The following IGFBPL1 variants were observed in gnomAD, a reference collection of about 807,000 sequenced individuals.
IGFBPL1 encodes the protein insulin-like growth factor-binding protein-like 1.
IGFBPL1 carries 20 observed loss-of-function variants against 23.9 expected under a neutral mutation model. The observed-to-expected ratio is 0.84, with a 90% confidence interval of 0.59 to 1.22. The LOEUF (loss-of-function observed/expected upper bound fraction) is 1.22. IGFBPL1 is among the 50% of genes most tolerant of loss of function. The pLI, the probability that IGFBPL1 is intolerant of heterozygous loss-of-function variation, is 0.00. For missense variants in IGFBPL1, 436 were observed against 379.3 expected (o/e 1.15, Z -1.24); for synonymous variants, 184 against 171.8 (o/e 1.07, Z -0.56).
chr9:38,414,264 C>T, intron 1 of IGFBPL1, 61 bp from the exon 2 acceptor site: 1 of 963,532 alleles, frequency 1.0e-6, no homozygotes, highest in African/African-American at 1.6e-5. Flanking sequence ...CAACCCACCT[C>T]TAAATTCCCC....
chr9:38,424,229 A>G lies in IGFBPL1; in HGVS notation c.196T>C (p.Cys66Arg). The G allele has an allele frequency of 2.5e-6, 3 of 1,198,552 alleles. No individual in the cohort carries two copies. In the South Asian group the frequency reaches 1.1e-4, roughly 46 times the overall value. The allele number at this position is 1,198,552 out of a possible 1,614,324, so 74.2% of individuals were successfully genotyped here. The change falls in exon 1 of 5, where the codon TGC becomes CGC. Residue 66 changes from cysteine to arginine, a missense_variant. Transcript: ENST00000377694. Reference protein sequence around the residue: ...GISALDECGCCARCLGAEGAS... With the variant: ...GISALDECGCRARCLGAEGAS... ...CCCTCGGCTCCCAGGCAGCGGGCGCAGCAGCCGCACTCGTCGAGCGCCGAG... is the reference window on the plus strand; with the variant it reads ...CCCTCGGCTCCCAGGCAGCGGGCGCGGCAGCCGCACTCGTCGAGCGCCGAG...
chr9:38,411,022 CTT>C (rs1195862684), intron 4 of IGFBPL1, among the ~76,000 whole-genome samples: 1 of 152,248 alleles, frequency 6.6e-6, no homozygotes, highest in Non-Finnish European at 1.5e-5. Context: ...CAGGCATCTT[CTT>C]TGTGGGAACA....
intron 1 of IGFBPL1, among the ~76,000 whole-genome samples, chr9:38,415,591 T>G (rs1240794046): frequency 6.6e-6 from 1 of 152,198 alleles, no homozygotes; most frequent in Admixed American, 6.5e-5. Flanking sequence ...AGAGAGGCTC[T>G]TTAGCATCCT....
chr9:38,415,196 A>C (rs1014939379), intron 1 of IGFBPL1, among the ~76,000 whole-genome samples: 4 of 152,180 alleles, frequency 2.6e-5, no homozygotes, highest in Admixed American at 2.6e-4. Flanking sequence ...AGTTAATGTG[A>C]TATGCAAGTG....
At chr9:38,413,494 G>A in intron 2 of IGFBPL1, 141 bp from the exon 3 acceptor site, 1 of 587,496 alleles carries the variant, frequency 1.7e-6, no homozygotes, top group Non-Finnish European at 3.0e-6. Context: ...TCATGCCTAT[G>A]CAAATGACAT....
chr9:38,421,714 G>A (rs72707463), intron 1 of IGFBPL1, among the ~76,000 whole-genome samples: 23,767 of 152,230 alleles, frequency 0.16, 2,323 homozygotes, highest in South Asian at 0.23. Context: ...CTTTAGGGCA[G>A]CACAGAATGA....
chr9:38,424,248 C>G lies in IGFBPL1; in HGVS notation c.177G>C (p.Ala59=), dbSNP rs564975799. The part of the protein sequence containing the change: ...PAPCPAPGIS[A]LDECGCCARC... ...GGGCGCAGCAGCCGCACTCGTCGAG[C>G]GCCGAGATCCCGGGCGCCGGGCAGG... The change falls in exon 1 of 5, where the codon GCG becomes GCC. Residue 59 remains alanine (A), a synonymous_variant. Transcript: ENST00000377694. 20 of 1,217,054 alleles carry G rather than the reference C, an allele frequency of 1.6e-5. No homozygotes were observed. The South Asian group carries it at 5.5e-4, about 34-fold the overall frequency. 75.4% of individuals were successfully genotyped at this position (1,217,054 alleles called of 1,614,324 possible). A position where few individuals can be genotyped will look rare whatever the true frequency, so the allele number is the denominator to read the frequency against.
intron 1 of IGFBPL1, 131 bp downstream of exon 1, chr9:38,423,834 T>C (rs970027904): frequency 5.6e-6 from 5 of 886,150 alleles, no homozygotes; most frequent in African/African-American, 1.7e-5. Context: ...AGATATGAAA[T>C]ACTGCTCCCT....
At chr9:38,414,283 A>AGAGCCC (rs761916477) in intron 1 of IGFBPL1, 80 bp from the exon 2 acceptor site, 25 of 782,448 alleles carry the variant, frequency 3.2e-5, no homozygotes, top group Non-Finnish European at 4.9e-5. Flanking sequence ...CCTGCCGCGG[A>AGAGCCC]GAGCCCGCTG....
chr9:38,406,703 C>T lies in IGFBPL1; in HGVS notation c.*2524G>A, dbSNP rs1220385804. ...CTTAGCCTCTGAAGAGGTCTCTGGG[C>T]GCTCACACTTGAAAAACCATGAGGT... On this transcript the variant is annotated 3_prime_UTR_variant, in exon 5 of 5. Transcript: ENST00000377694. Among the ~76,000 whole-genome samples the T allele has an allele frequency of 6.6e-6, 1 of 152,098 alleles. No homozygotes were observed. Among genetic ancestry groups the T allele is most frequent in the Non-Finnish European group, 1.5e-5 (1 of 68,024 alleles).
At chr9:38,410,994 G>A (rs1162228010) in intron 4 of IGFBPL1, among the ~76,000 whole-genome samples, 1 of 152,206 alleles carries the variant, frequency 6.6e-6, no homozygotes, top group African/African-American at 2.4e-5. Flanking sequence ...AGAGCTCCAG[G>A]AACACACAAA....
At chr9:38,423,135 C>A (rs2118330509) in intron 1 of IGFBPL1, among the ~76,000 whole-genome samples, 1 of 152,278 alleles carries the variant, frequency 6.6e-6, no homozygotes, top group African/African-American at 2.4e-5. Flanking sequence ...GCCGGTAAAG[C>A]AGTGCTAACG....
Position 38,407,811 on chromosome 9 carries a change from C to G in IGFBPL1, c.*1416G>C, listed in dbSNP as rs905890523. ...CATTAACACCTGTCCTGCCCCATCT[C>G]CCAGAGTTGGGATCAAGCTTTATGA... On this transcript the variant is annotated 3_prime_UTR_variant, in exon 5 of 5. Coordinates refer to ENST00000377694, the MANE Select transcript of IGFBPL1 (RefSeq NM_001007563.3). 6.6e-6 allele frequency among the ~76,000 whole-genome samples: 1 copy of G among 152,196 alleles called. No homozygotes were observed. Among genetic ancestry groups the G allele is most frequent in the Non-Finnish European group, 1.5e-5 (1 of 68,034 alleles).
intron 1 of IGFBPL1, among the ~76,000 whole-genome samples, chr9:38,420,357 C>G (rs1821662347): frequency 6.6e-6 from 1 of 152,218 alleles, no homozygotes. Flanking sequence ...GGATTCTCTC[C>G]CCATCCTTCA....
At chr9:38,418,340 G>C (rs1821629499) in intron 1 of IGFBPL1, among the ~76,000 whole-genome samples, 1 of 152,180 alleles carries the variant, frequency 6.6e-6, no homozygotes, top group Non-Finnish European at 1.5e-5. Context: ...ATGGGCACAG[G>C]AATCTATTCC....
At chr9:38,412,740 C>T (rs11794537) in intron 3 of IGFBPL1, among the ~76,000 whole-genome samples, 22,983 of 152,160 alleles carry the variant, frequency 0.15, 2,148 homozygotes, top group East Asian at 0.45. Flanking sequence ...CTTGCCTTCT[C>T]CAGTTCCTAG....
rs370381860 is a variant in IGFBPL1 at position 38,423,981 on chromosome 9, G to A, written c.444C>T (p.Asp148=). 3.2e-3 allele frequency: 4,543 copies of A among 1,405,402 alleles called. 19 individuals are homozygous for A. The highest frequency in any genetic ancestry group is 3.9e-3 in the Non-Finnish European group (4,298 of 1,089,078). 87.1% of individuals were successfully genotyped at this position (1,405,402 alleles called of 1,614,324 possible). A position where few individuals can be genotyped will look rare whatever the true frequency, so the allele number is the denominator to read the frequency against. The change falls in exon 1 of 5, where the codon GAC becomes GAT. Residue 148 remains aspartate, a synonymous_variant. Coordinates refer to ENST00000377694, the MANE Select transcript of IGFBPL1 (RefSeq NM_001007563.3). Reference sequence around the variant, plus strand: ...CTGACTCACCGAACTCGCAAGGGCCGTCGCGCGCCTTGTGCAGGTGACCGG... The same window carrying A: ...CTGACTCACCGAACTCGCAAGGGCCATCGCGCGCCTTGTGCAGGTGACCGG... ...AHPGHLHKAR[D]GPCEFAPVVV...
intron 4 of IGFBPL1, among the ~76,000 whole-genome samples, chr9:38,410,128 A>G (rs1395401004): frequency 2.0e-5 from 3 of 152,148 alleles, no homozygotes; most frequent in Non-Finnish European, 4.4e-5. Context: ...TGTTCTATTA[A>G]GCACCTGTTG....
chr9:38,413,534 T>C (rs1309182510), intron 2 of IGFBPL1, among the ~76,000 whole-genome samples, 181 bp from the exon 3 acceptor site: 1 of 152,214 alleles, frequency 6.6e-6, no homozygotes, highest in Non-Finnish European at 1.5e-5. Context: ...CTTGTACATA[T>C]AGACAGCACG....
Sources: allele counts gnomAD v4.1 joint callset (sites outside exome capture counted in the v4.1 genomes callset), GRCh38; gene constraint gnomAD v4.1.1; transcripts MANE v1.5; gene names NCBI Gene and HGNC (gene_info 2026-07-23, HGNC 2026-07-21).